Variants in CSF1R observed in about 807,000 individuals in gnomAD.
The protein encoded by CSF1R is macrophage colony-stimulating factor 1 receptor.
CSF1R carries 40 observed loss-of-function variants against 110.0 expected under a neutral mutation model. The observed-to-expected ratio is 0.36, with a 90% CI of 0.28 to 0.47. The LOEUF (loss-of-function observed/expected upper bound fraction) is 0.47, where lower values mean the gene tolerates loss of function less well. Among genes scored for constraint, CSF1R ranks in the 20% least tolerant of loss-of-function variants. The probability of loss-of-function intolerance (pLI) is 0.99; values close to 1 mark genes in which losing one functional copy is unlikely to be tolerated. For missense variants in CSF1R, 1,052 were observed against 1,253.0 expected (o/e 0.84, Z 2.42); for synonymous variants, 523 against 503.4 (o/e 1.04, Z -0.52).
At chr5:150,095,932 A>G (rs1759209604) in intron 1 of CSF1R, among the ~76,000 whole-genome samples, 1 of 152,214 alleles carries the variant, frequency 6.6e-6, no homozygotes, top group South Asian at 2.1e-4. Flanking sequence ...TTTGAAAGGT[A>G]CAAACTGCTA....
intron 5 of CSF1R, chr5:150,077,041 G>A: frequency 1.7e-6 from 1 of 581,686 alleles, no homozygotes; most frequent in South Asian, 2.0e-5. Flanking sequence ...ATGGCACTAA[G>A]GTGCACCCAA....
rs370155999 is a variant in CSF1R, at chr5:150,069,868, C to G, written c.1510+5G>C. On this transcript the variant is annotated splice_donor_5th_base_variant and intron_variant, in intron 9 of 20. Coordinates refer to ENST00000675795, the MANE Select transcript of CSF1R (RefSeq NM_001288705.3). The stretch of plus-strand genomic sequence containing the variant: ...GGCGGTGCGGGTGCGAAGGCTCCCT[C>G]TCACCTGCAGAGATGGGTATGAAGG... 59 of 1,600,538 alleles carry G rather than the reference C, an allele frequency of 3.7e-5. No individual in the cohort carries two copies. The highest frequency in any genetic ancestry group is 4.7e-5 in the Non-Finnish European group (55 of 1,171,122).
chr5:150,062,075 GTTTCACTATTTGTGTAT>G, intron 10 of CSF1R, among the ~76,000 whole-genome samples: 1 of 152,262 alleles, frequency 6.6e-6, no homozygotes, highest in East Asian at 1.9e-4. Flanking sequence ...CTCCAAGCCT[GTTTCACTATTTGTGTAT>G]TGAAGACCTT....
Position 150,057,560 on chromosome 5 carries a change from G to T in CSF1R, c.2165C>A (p.Thr722Asn), listed in dbSNP as rs371017407. 51 of 1,614,100 alleles carry T rather than the reference G, an allele frequency of 3.2e-5. No homozygotes were observed. Among genetic ancestry groups the T allele is most frequent in the Non-Finnish European group, 9.3e-6 (11 of 1,180,038 alleles). Residue 722 changes from threonine (T) to asparagine (N), a missense_variant, in exon 15 of 21, where the codon ACC becomes AAC. Physicochemically the swap from Thr to Asn is moderately conservative, Grantham distance 65. Around this residue, in one of 5 missense-constraint regions of CSF1R, gnomAD observed 124 missense variants for 117.7 expected, o/e 1.05. Coordinates refer to ENST00000675795, the MANE Select transcript of CSF1R (RefSeq NM_001288705.3). ...GGAGACAGGCCTCATCTCCACATAG[G>T]TGTCCACACCCTGGCTGGAGAAGCC... ...DSGFSSQGVD[T>N]YVEMRPVSTS...
Position 150,060,785 on chromosome 5 carries a change from G to C in CSF1R, c.1969+77C>G. 3.4e-6 allele frequency: 3 copies of C among 893,172 alleles called. No individual in the cohort carries two copies. The South Asian group carries it at 4.7e-5, about 14-fold the overall frequency. The allele number at this position is 893,172 out of a possible 1,614,324, so 55.3% of individuals were successfully genotyped here. A position where few individuals can be genotyped will look rare whatever the true frequency, so the allele number is the denominator to read the frequency against. On this transcript the variant is annotated intron_variant, in intron 13 of 20. Coordinates refer to ENST00000675795, the MANE Select transcript of CSF1R (RefSeq NM_001288705.3). ...AGTAGGATCCTGAGAAGGAGAAGAC[G>C]GAACAAGGTAGCCCTGGGGCCCTGA...
In CSF1R at chr5:150,054,313, C is replaced by G. The variant is rs747191440; in HGVS notation, c.2763+9G>C. The G allele has an allele frequency of 2.5e-6, 4 of 1,614,050 alleles. No individual in the cohort carries two copies. In the African/African-American group the frequency reaches 5.3e-5, roughly 22 times the overall value. ...ACCGGCCACCCACCCCAAGCCTCACCCCACTCACCCGCTCTCTCCTGTCCT... is the reference window on the plus strand; with the variant it reads ...ACCGGCCACCCACCCCAAGCCTCACGCCACTCACCCGCTCTCTCCTGTCCT... On this transcript the variant is annotated intron_variant, in intron 20 of 20. Coordinates refer to ENST00000675795, the MANE Select transcript of CSF1R (RefSeq NM_001288705.3).
chr5:150,092,444 T>G (rs983912214), intron 1 of CSF1R, among the ~76,000 whole-genome samples: 3 of 151,966 alleles, frequency 2.0e-5, no homozygotes, highest in Admixed American at 2.0e-4. Context: ...GTTTTTTTCC[T>G]ATACCTACTG....
intron 10 of CSF1R, 143 bp downstream of exon 10, chr5:150,068,072 T>C: frequency 1.5e-6 from 1 of 649,992 alleles, no homozygotes; most frequent in East Asian, 2.7e-5. Context: ...CTGACTCATG[T>C]TGGCATACAG....
intron 11 of CSF1R, 51 bp downstream of exon 11, chr5:150,061,672 C>A: frequency 1.2e-6 from 2 of 1,614,178 alleles, no homozygotes; most frequent in South Asian, 1.1e-5. Context: ...TCCCTGCAAC[C>A]CCCACAGGCC....
chr5:150,105,424 G>A (rs1250021627), intron 1 of CSF1R, among the ~76,000 whole-genome samples: 7 of 146,692 alleles, frequency 4.8e-5, no homozygotes, highest in Non-Finnish European at 7.5e-5. Flanking sequence ...CCATGTTGGC[G>A]AGGCTGATCT....
intron 1 of CSF1R, among the ~76,000 whole-genome samples, chr5:150,083,471 C>CCT (rs1356950545): frequency 2.0e-5 from 3 of 151,512 alleles, no homozygotes; most frequent in African/African-American, 7.3e-5. Context: ...AGAGAGCCCC[C>CCT]CTCTCTCTCT....
chr5:150,098,535 A>G (rs1759294662), intron 1 of CSF1R: 1 of 152,302 alleles, frequency 6.6e-6, no homozygotes, highest in Non-Finnish European at 1.5e-5. Flanking sequence ...GGACTTCATC[A>G]ACATTTAAAA....
At chr5:150,072,600 C>T (rs1201777796) in intron 6 of CSF1R, among the ~76,000 whole-genome samples, 3 of 152,082 alleles carry the variant, frequency 2.0e-5, no homozygotes, top group African/African-American at 4.8e-5. Context: ...TATTTAGAAC[C>T]TACCTGCTTA....
At chr5:150,095,878 T>C (rs1331085236) in intron 1 of CSF1R, among the ~76,000 whole-genome samples, 1 of 152,066 alleles carries the variant, frequency 6.6e-6, no homozygotes, top group Non-Finnish European at 1.5e-5. Context: ...TATGAACTAC[T>C]CTATGCCAAC....
At chr5:150,075,257 C>G (rs140036648) in intron 5 of CSF1R, among the ~76,000 whole-genome samples, 1 of 152,196 alleles carries the variant, frequency 6.6e-6, no homozygotes, top group Non-Finnish European at 1.5e-5. Flanking sequence ...TCCATTCATC[C>G]ATCCAAACAC....
intron 10 of CSF1R, among the ~76,000 whole-genome samples, chr5:150,062,118 T>C (rs1757559332): frequency 6.6e-6 from 1 of 152,176 alleles, no homozygotes; most frequent in South Asian, 2.1e-4. Context: ...AGACAACCTC[T>C]GAGGGCCCTG....
chr5:150,096,407 G>C (rs1400182406), intron 1 of CSF1R, among the ~76,000 whole-genome samples: 1 of 152,090 alleles, frequency 6.6e-6, no homozygotes, highest in East Asian at 1.9e-4. Context: ...AAGAAAGAAA[G>C]AAAGAGAGAA....
chr5:150,097,570 A>G (rs925209716), intron 1 of CSF1R, among the ~76,000 whole-genome samples: 2 of 152,226 alleles, frequency 1.3e-5, no homozygotes, highest in African/African-American at 4.8e-5. Context: ...AACTGTAAGT[A>G]AACTTAGCAA....
intron 1 of CSF1R, among the ~76,000 whole-genome samples, chr5:150,083,057 C>T (rs1410558725): frequency 1.3e-5 from 2 of 152,024 alleles, no homozygotes; most frequent in African/African-American, 4.8e-5. Context: ...ATCCTATTGT[C>T]CCAGGTATTC....
Sources: gnomAD v4.1 joint callset for allele counts (sites outside exome capture counted in the v4.1 genomes callset) on GRCh38, gnomAD v4.1.1 for gene constraint, gnomAD v4.1.1 regional missense constraint, MANE v1.5 for transcripts, NCBI Gene and HGNC (gene_info 2026-07-23, HGNC 2026-07-21) for gene names.